Variants in MAGI2 observed in about 807,000 individuals in gnomAD.
MAGI2 encodes the protein membrane associated guanylate kinase, WW and PDZ domain containing 2.
In MAGI2, 35 loss-of-function variants were observed where a neutral mutation model predicts 133.3. The ratio of observed to expected loss-of-function variants is 0.26; its 90% CI spans 0.20 to 0.35. The LOEUF (loss-of-function observed/expected upper bound fraction) is 0.35. Ranked by LOEUF, MAGI2 falls within the 10% of genes least tolerant of loss-of-function variation. The pLI is 1.00. For missense variants in MAGI2, 1,636 were observed against 1,863.4 expected (o/e 0.88, Z 2.25); for synonymous variants, 729 against 710.6 (o/e 1.03, Z -0.41).
chr7:79,377,386 CAG>C (rs1843451866), intron 1 of MAGI2, among the ~76,000 whole-genome samples: 1 of 151,752 alleles, frequency 6.6e-6, no homozygotes, highest in Non-Finnish European at 1.5e-5. Flanking sequence ...CCCTAATGGC[CAG>C]AGAGTTAGAC....
intron 20 of MAGI2, among the ~76,000 whole-genome samples, chr7:78,086,087 G>A (rs1816604528): frequency 1.3e-5 from 2 of 152,070 alleles, no homozygotes; most frequent in Non-Finnish European, 2.9e-5. Flanking sequence ...AAGTAGTTGA[G>A]CTCTAAATTA....
chr7:78,936,618 C>A (rs1426973310), intron 2 of MAGI2, among the ~76,000 whole-genome samples: 2 of 151,992 alleles, frequency 1.3e-5, no homozygotes, highest in East Asian at 3.9e-4. Context: ...CCTATTAATG[C>A]ATACTCATGT....
intron 10 of MAGI2, among the ~76,000 whole-genome samples, chr7:78,234,570 CA>C (rs1467758772): frequency 1.1e-4 from 1 of 8,866 alleles, no homozygotes; most frequent in African/African-American, 1.9e-4. Flanking sequence ...GAATATTTTT[CA>C]TATTCATTAT....
At chr7:78,681,324 T>C (rs1262957075) in intron 2 of MAGI2, among the ~76,000 whole-genome samples, 3 of 152,186 alleles carry the variant, frequency 2.0e-5, no homozygotes, top group African/African-American at 7.2e-5. Context: ...ATATTTCAAA[T>C]AGACTTATAC....
intron 1 of MAGI2, among the ~76,000 whole-genome samples, chr7:79,341,323 A>G (rs2129100355): frequency 6.6e-6 from 1 of 152,284 alleles, no homozygotes; most frequent in Admixed American, 6.6e-5. Flanking sequence ...TATCTGATTC[A>G]TAAGTGAAGT....
At chr7:79,419,699 C>T (rs985011698) in intron 1 of MAGI2, among the ~76,000 whole-genome samples, 12 of 151,878 alleles carry the variant, frequency 7.9e-5, no homozygotes, top group African/African-American at 2.9e-4. Context: ...AACATATTAC[C>T]CTATTCCCAT....
chr7:79,362,933 C>T (rs531119928), intron 1 of MAGI2, among the ~76,000 whole-genome samples: 1 of 151,800 alleles, frequency 6.6e-6, no homozygotes, highest in African/African-American at 2.4e-5. Context: ...CATTATAGTA[C>T]TGGCAATTCT....
intron 4 of MAGI2, among the ~76,000 whole-genome samples, chr7:78,517,777 C>A (rs10246978): frequency 6.6e-6 from 1 of 151,830 alleles, no homozygotes; most frequent in Non-Finnish European, 1.5e-5. Flanking sequence ...TTACTAGGTG[C>A]CATGGGCTAA....
chr7:78,461,401 T>TGTCTGTGC (rs1554423880), intron 6 of MAGI2, among the ~76,000 whole-genome samples: 2 of 100,874 alleles, frequency 2.0e-5, no homozygotes, highest in African/African-American at 7.5e-5. Context: ...TGCGTGTGTG[T>TGTCTGTGC]GTGTGTGTGT....
At chr7:78,815,432 G>A (rs1051472889) in intron 2 of MAGI2, among the ~76,000 whole-genome samples, 14 of 152,146 alleles carry the variant, frequency 9.2e-5, no homozygotes, top group Non-Finnish European at 4.4e-5. Flanking sequence ...ACTAACATTA[G>A]GATTAAAGAT....
At chr7:79,391,514 TATATATATATATATATATATATAGAC>T (rs1563180531) in intron 1 of MAGI2, among the ~76,000 whole-genome samples, 2 of 46,332 alleles carry the variant, frequency 4.3e-5, no homozygotes, top group African/African-American at 7.0e-4. Context: ...TAGACATATA[TATATATATATATATATATATATAGAC>T]ATATATATAT....
chr7:79,380,568 C>A (rs927394329), intron 1 of MAGI2, among the ~76,000 whole-genome samples: 1 of 151,784 alleles, frequency 6.6e-6, no homozygotes, highest in Non-Finnish European at 1.5e-5. Context: ...TGTTAATCAT[C>A]CTAGTGATTT....
At chr7:79,258,465 A>T (rs979157555) in intron 1 of MAGI2, among the ~76,000 whole-genome samples, 3 of 152,312 alleles carry the variant, frequency 2.0e-5, no homozygotes, top group Middle Eastern at 3.4e-3. Context: ...AATGCCATTA[A>T]TCACACCTTG....
intron 3 of MAGI2, among the ~76,000 whole-genome samples, chr7:78,572,702 GC>G (rs1270675594): frequency 6.6e-6 from 1 of 151,420 alleles, no homozygotes; most frequent in Non-Finnish European, 1.5e-5. Context: ...CGCTCTTGTT[GC>G]CCAGGCTGGA....
chr7:78,771,884 G>T (rs1207865), intron 2 of MAGI2, among the ~76,000 whole-genome samples: 131,163 of 152,236 alleles, frequency 0.86, 56,766 homozygotes, highest in East Asian at 1. Context: ...GCTTTGCTCT[G>T]AGACAAATAA....
chr7:79,327,125 G>A (rs1839752344), intron 1 of MAGI2, among the ~76,000 whole-genome samples: 1 of 152,094 alleles, frequency 6.6e-6, no homozygotes, highest in Admixed American at 6.6e-5. Flanking sequence ...CTTCTCATCT[G>A]TGTGACCTGG....
In MAGI2 at chr7:78,069,568, GAGA is replaced by G. The variant is rs1161517962; in HGVS notation, c.3706+9376_3706+9378del. The stretch of plus-strand genomic sequence containing the variant: ...AGAGAGAGAGAGAGAGAGAGAGAGA[GAGA>G]GGCTTCTGATTCCTCTTAAAGAAGT... On this transcript the variant is annotated intron_variant, in intron 21 of 21. Coordinates refer to ENST00000354212, the MANE Select transcript of MAGI2 (RefSeq NM_012301.4). Among the ~76,000 whole-genome samples, 3 of 151,412 alleles carry G rather than the reference GAGA, an allele frequency of 2.0e-5. No homozygotes were observed. In the East Asian group the frequency reaches 5.8e-4, roughly 30 times the overall value.
intron 1 of MAGI2, among the ~76,000 whole-genome samples, chr7:79,416,019 T>A (rs1846483545): frequency 6.6e-6 from 1 of 152,138 alleles, no homozygotes; most frequent in Non-Finnish European, 1.5e-5. Flanking sequence ...TGCTAATACC[T>A]AATAATGAGT....
intron 6 of MAGI2, among the ~76,000 whole-genome samples, chr7:78,383,938 G>A (rs967692881): frequency 6.6e-6 from 1 of 151,998 alleles, no homozygotes. Flanking sequence ...TCTCCATTCT[G>A]TTATATTGGT....
Sources: gnomAD v4.1 joint callset for allele counts (sites outside exome capture counted in the v4.1 genomes callset) on GRCh38, gnomAD v4.1.1 for gene constraint, MANE v1.5 for transcripts, NCBI Gene and HGNC (gene_info 2026-07-23, HGNC 2026-07-21) for gene names.